GALNT1: variants seen among roughly 807,000 people sequenced by gnomAD.
GALNT1 encodes polypeptide N-acetylgalactosaminyltransferase 1, also known as GalNAc transferase 1.
A neutral mutation model predicts 65.7 loss-of-function variants in GALNT1; 17 were observed. That is an observed-to-expected ratio of 0.26 (90% CI 0.18 to 0.39). GALNT1 has a LOEUF of 0.39. GALNT1 is among the 10% of genes least tolerant of loss of function. GALNT1 has a pLI of 1.00. For missense variants in GALNT1, 460 were observed against 672.8 expected, an observed-to-expected ratio of 0.68 and a Z score of 3.50; for synonymous variants, 210 against 219.7, an observed-to-expected ratio of 0.96 and a Z score of 0.39.
chr18:35,600,719 A>G (rs2046571679), intron 1 of GALNT1, among the ~76,000 whole-genome samples: 1 of 151,962 alleles, frequency 6.6e-6, no homozygotes, highest in Admixed American at 6.6e-5. Context: ...TTAACATTCT[A>G]TTAATGTGAT....
chr18:35,636,783 G>GTTTTTT lies in GALNT1; in HGVS notation c.-103-17757_-103-17752dup, dbSNP rs58909585. Among the ~76,000 whole-genome samples the GTTTTTT allele has an allele frequency of 7.8e-5, 5 of 64,220 alleles. 1 individual carries two copies. The highest frequency in any genetic ancestry group is 2.7e-4 in the African/African-American group (5 of 18,688). The allele number at this position is 64,220 out of a possible 152,430, so 42.1% of individuals were successfully genotyped here. ...TATTGTACTTCACAGATACTACTTT[G>GTTTTTT]TTTTTTTTTTTTTTTTTTTTTTTTT... On this transcript the variant is annotated intron_variant, in intron 1 of 11. Transcript: ENST00000269195.
At chr18:35,699,540 G>A (rs1483661320) in intron 9 of GALNT1, among the ~76,000 whole-genome samples, 1 of 152,228 alleles carries the variant, frequency 6.6e-6, no homozygotes, top group African/African-American at 2.4e-5. Flanking sequence ...GCAGTTAGCT[G>A]TAGACTGTGT....
chr18:35,631,864 G>C (rs1322880410), intron 1 of GALNT1, among the ~76,000 whole-genome samples: 1 of 152,182 alleles, frequency 6.6e-6, no homozygotes, highest in Non-Finnish European at 1.5e-5. Flanking sequence ...CAAAGTCTCA[G>C]TATACAAAAT....
chr18:35,620,046 C>T (rs755472030), intron 1 of GALNT1, among the ~76,000 whole-genome samples: 3 of 152,172 alleles, frequency 2.0e-5, no homozygotes, highest in Non-Finnish European at 4.4e-5. Flanking sequence ...TGTATTCCCT[C>T]TTCCCCCACA....
chr18:35,584,833 G>A (rs2046361735), intron 1 of GALNT1, among the ~76,000 whole-genome samples: 1 of 152,198 alleles, frequency 6.6e-6, no homozygotes, highest in African/African-American at 2.4e-5. Context: ...AGCTCAGGCA[G>A]TAATGCTCGC....
chr18:35,668,697 A>G (rs933934141), intron 3 of GALNT1, among the ~76,000 whole-genome samples: 3 of 152,214 alleles, frequency 2.0e-5, no homozygotes, highest in African/African-American at 7.2e-5. Context: ...GATACCTGCT[A>G]TACAGTATTG....
chr18:35,708,395 C>T (rs2048300404), intron 11 of GALNT1, among the ~76,000 whole-genome samples: 1 of 151,042 alleles, frequency 6.6e-6, no homozygotes, highest in Non-Finnish European at 1.5e-5. Flanking sequence ...CCTACTTTGA[C>T]CACAACACGG....
In GALNT1 at chr18:35,613,152, T is replaced by C. The variant is rs377279288; in HGVS notation, c.-104+31290T>C. 5.9e-5 allele frequency among the ~76,000 whole-genome samples: 9 copies of C among 152,304 alleles called. No individual in the cohort carries two copies. The East Asian group carries it at 1.5e-3, about 26-fold the overall frequency. On this transcript the variant is annotated intron_variant, in intron 1 of 11. Coordinates refer to ENST00000269195, the MANE Select transcript of GALNT1 (RefSeq NM_020474.4). ...ATGTTTATTATTTCCTGTCTCCTACTCTGCTCCTACAGAAGTGCTTTGAAT... is the reference window on the plus strand; with the variant it reads ...ATGTTTATTATTTCCTGTCTCCTACCCTGCTCCTACAGAAGTGCTTTGAAT...
intron 5 of GALNT1, among the ~76,000 whole-genome samples, chr18:35,686,287 T>C (rs1306471435): frequency 2.0e-5 from 3 of 152,238 alleles, no homozygotes; most frequent in Non-Finnish European, 1.5e-5. Flanking sequence ...CAAATTCATA[T>C]ATAAATTCAG....
chr18:35,645,680 A>C (rs530208854), intron 1 of GALNT1, among the ~76,000 whole-genome samples: 6 of 152,222 alleles, frequency 3.9e-5, no homozygotes, highest in Admixed American at 6.5e-5. Context: ...TGTAGAAATC[A>C]TACCATCTGC....
intron 1 of GALNT1, among the ~76,000 whole-genome samples, chr18:35,645,734 T>C (rs2047223046): frequency 6.6e-6 from 1 of 152,184 alleles, no homozygotes; most frequent in Non-Finnish European, 1.5e-5. Flanking sequence ...TAATTCATTT[T>C]CTTATCTGTT....
intron 1 of GALNT1, among the ~76,000 whole-genome samples, chr18:35,609,740 T>TA (rs892207303): frequency 1.3e-5 from 2 of 152,190 alleles, no homozygotes; most frequent in African/African-American, 4.8e-5. Context: ...AGTGGATTTT[T>TA]AAAAAATATT....
chr18:35,665,529 A>G (rs1306721995), intron 3 of GALNT1, among the ~76,000 whole-genome samples: 1 of 152,170 alleles, frequency 6.6e-6, no homozygotes, highest in Non-Finnish European at 1.5e-5. Context: ...ACAATAGATG[A>G]AAATAGACTG....
intron 1 of GALNT1, among the ~76,000 whole-genome samples, chr18:35,585,722 A>G (rs1273548288): frequency 1.3e-5 from 2 of 152,208 alleles, no homozygotes. Context: ...TAAATGGGAT[A>G]AGTGTCTTTT....
Position 35,645,959 on chromosome 18 carries a change from G to T in GALNT1, c.-103-8601G>T, listed in dbSNP as rs79231105. On this transcript the variant is annotated intron_variant, in intron 1 of 11. Transcript: ENST00000269195. ...AAGTTATTATCTCATATTTTCTTTG[G>T]GTCAGGAATGGAAGAGCAGTGTATT... Among the ~76,000 whole-genome samples the T allele has an allele frequency of 9.0e-3, 1,375 of 152,104 alleles. 22 individuals carry two copies. Among genetic ancestry groups the T allele is most frequent in the African/African-American group, 0.03 (1,232 of 41,466 alleles).
chr18:35,610,626 C>T (rs2046705308), intron 1 of GALNT1, among the ~76,000 whole-genome samples: 1 of 152,084 alleles, frequency 6.6e-6, no homozygotes, highest in South Asian at 2.1e-4. Context: ...TCTCTAAACC[C>T]TTTTACACTT....
At chr18:35,650,383 C>T (rs563589544) in intron 1 of GALNT1, among the ~76,000 whole-genome samples, 14 of 152,238 alleles carry the variant, frequency 9.2e-5, no homozygotes, top group South Asian at 4.1e-4. Context: ...ATCACAGGAT[C>T]GTGGCGAAAT....
intron 1 of GALNT1, among the ~76,000 whole-genome samples, chr18:35,646,912 C>A (rs534245190): frequency 5.3e-5 from 8 of 152,116 alleles, no homozygotes; most frequent in African/African-American, 1.9e-4. Context: ...TCACACTTAA[C>A]GTTTCTTCCC....
chr18:35,613,569 C>T (rs1294434837), intron 1 of GALNT1, among the ~76,000 whole-genome samples: 2 of 152,088 alleles, frequency 1.3e-5, no homozygotes, highest in African/African-American at 4.8e-5. Flanking sequence ...AAACCCAGAA[C>T]TTTGGCTTTT....
Sources: gnomAD v4.1 joint callset for allele counts (sites outside exome capture counted in the v4.1 genomes callset) on GRCh38, gnomAD v4.1.1 for gene constraint, MANE v1.5 for transcripts, NCBI Gene and HGNC (gene_info 2026-07-23, HGNC 2026-07-21) for gene names.